Variants in MYO18A observed in about 807,000 individuals in gnomAD.
MYO18A encodes the protein myosin XVIIIA, also known as unconventional myosin-XVIIIa.
Under a neutral mutation model 235.8 loss-of-function variants are expected in MYO18A, and 78 were observed. The ratio of observed to expected loss-of-function variants is 0.33; its 90% confidence interval spans 0.28 to 0.40. The LOEUF is 0.40. Ranked by LOEUF, MYO18A falls within the 10% of genes least tolerant of loss-of-function variation. The pLI is 1.00. For synonymous variants in MYO18A, 977 were observed against 1,077.8 expected (o/e 0.91, Z 1.83); for missense variants, 2,215 against 2,699.3 (o/e 0.82, Z 3.98).
intron 2 of MYO18A, among the ~76,000 whole-genome samples, chr17:29,130,919 A>G (rs1456268889): frequency 6.6e-6 from 1 of 152,164 alleles, no homozygotes; most frequent in East Asian, 1.9e-4. Context: ...AGCAGCGACT[A>G]CAGTGAAGTC....
At position 29,097,370 on chromosome 17, in the gene MYO18A, A is replaced by C; in HGVS notation, c.4103-20T>G. 6.2e-7 allele frequency: 1 copy of C among 1,605,228 alleles called. No homozygotes were observed. The highest frequency in any genetic ancestry group is 8.5e-7 in the Non-Finnish European group (1 of 1,179,524). On this transcript the variant is annotated intron_variant, in intron 26 of 41. Coordinates refer to ENST00000527372, the MANE Select transcript of MYO18A (RefSeq NM_078471.4). ...CGCCACCTGTGGGGTTGAGGCAGAC[A>C]AGGGAGGATGGAGGTGCTGAGAGTC...
intron 2 of MYO18A, among the ~76,000 whole-genome samples, chr17:29,157,950 C>T (rs1326066448): frequency 2.6e-5 from 4 of 152,126 alleles, no homozygotes; most frequent in Non-Finnish European, 5.9e-5. Flanking sequence ...TGCATTACCA[C>T]CTCTGGCTAA....
rs375016788 is a variant in MYO18A, at chr17:29,165,994, A to G, written c.947T>C (p.Leu316Pro). ...KVQPIPELSE[L>P]SRSWLRSGEG... The stretch of plus-strand genomic sequence containing the variant: ...GCCGCTCCGCAGCCAGCTCCTGCTG[A>G]GCTCGCTGAGCTCTGGAATGGGCTG... The change falls in exon 2 of 42, where the codon CTC becomes CCC. Residue 316 changes from leucine to proline, a missense_variant. By Grantham distance (98) the Leu-to-Pro change is moderately conservative. Coordinates refer to ENST00000527372, the MANE Select transcript of MYO18A (RefSeq NM_078471.4). 2.5e-6 allele frequency: 4 copies of G among 1,613,408 alleles called. No homozygotes were observed. Among genetic ancestry groups the G allele is most frequent in the East Asian group, 4.5e-5 (2 of 44,892 alleles).
chr17:29,118,405 T>C lies in MYO18A; in HGVS notation c.1865A>G (p.Asn622Ser), dbSNP rs1435208648. Residue 622 changes from asparagine (N) to serine (S), a missense_variant, in exon 9 of 42, where the codon AAT becomes AGT. Physicochemically the swap from Asn to Ser is conservative, Grantham distance 46 (BLOSUM62 1). Coordinates refer to ENST00000527372, the MANE Select transcript of MYO18A (RefSeq NM_078471.4). This position sits in a 1 kb window ranked among gnomAD's most constrained non-coding sequence, Gnocchi z 4.2. ...GGCCAGTGGCACAATCCCAAACACATTGTTCTCTGCCAAGTGGTTGAGGTG... is the reference window on the plus strand; with the variant it reads ...GGCCAGTGGCACAATCCCAAACACACTGTTCTCTGCCAAGTGGTTGAGGTG... ...ELHLNHLAEN[N>S]VFGIVPLAKP... 11 of 1,606,938 alleles carry C rather than the reference T, an allele frequency of 6.8e-6. No individual in the cohort carries two copies. Among genetic ancestry groups the C allele is most frequent in the South Asian group, 2.2e-5 (2 of 90,592 alleles).
At chr17:29,127,964 T>TGCTTCTTTGGGGCTTCAG in intron 2 of MYO18A, 1 of 1,004,216 alleles carries the variant, frequency 1.0e-6, no homozygotes, top group South Asian at 4.0e-5. Flanking sequence ...TGGGGAGCGC[T>TGCTTCTTTGGGGCTTCAG]GCTTCTTTGG....
intron 19 of MYO18A, chr17:29,107,497 A>T: frequency 3.4e-6 from 1 of 294,748 alleles, no homozygotes; most frequent in Non-Finnish European, 6.6e-6. Context: ...GTTGTGGGGT[A>T]GCTGACCAGC....
At chr17:29,172,155 T>G (rs1391903212) in intron 1 of MYO18A, among the ~76,000 whole-genome samples, 1 of 152,078 alleles carries the variant, frequency 6.6e-6, no homozygotes, top group Non-Finnish European at 1.5e-5. Context: ...GCTTTGGATA[T>G]CAAGTAACAA....
rs1247328667 is a variant in MYO18A, at chr17:29,115,696, C to T, written c.2195G>A (p.Gly732Asp). 1 of 1,606,324 alleles carries T rather than the reference C, an allele frequency of 6.2e-7. No homozygotes were observed. The highest frequency in any genetic ancestry group is 2.2e-5 in the East Asian group (1 of 44,708). Residue 732 changes from glycine to aspartate, a missense_variant, in exon 12 of 42, where the codon GGC (glycine) becomes GAC (aspartate). Physicochemically the swap from Gly to Asp is moderately conservative, Grantham distance 94 (BLOSUM62 -1). Coordinates refer to ENST00000527372, the MANE Select transcript of MYO18A (RefSeq NM_078471.4). ...TLQRSTSFRQ[G>D]PEESGLGDGT... ...ATCTCCCAGGCCACTCTCCTCGGGG[C>T]CCTGGCGGAAGGAGGTGGAGCGCTG...
At chr17:29,085,293 A>T (rs189312116) in intron 40 of MYO18A, among the ~76,000 whole-genome samples, 3 of 152,202 alleles carry the variant, frequency 2.0e-5, no homozygotes, top group Non-Finnish European at 4.4e-5. Flanking sequence ...TTTTTGAGGG[A>T]GGAATGTGCT....
chr17:29,086,274 C>A (rs889431735), intron 39 of MYO18A, among the ~76,000 whole-genome samples, 164 bp downstream of exon 39: 8 of 152,224 alleles, frequency 5.3e-5, no homozygotes, highest in Non-Finnish European at 1.2e-4. Context: ...CCGTCTGCCC[C>A]TGCAGGACAG....
At chr17:29,162,750 G>A (rs945707471) in intron 2 of MYO18A, among the ~76,000 whole-genome samples, 2 of 152,238 alleles carry the variant, frequency 1.3e-5, no homozygotes, top group African/African-American at 4.8e-5. Flanking sequence ...ATGGGCAGGT[G>A]GAAGGATGAT....
intron 1 of MYO18A, 132 bp from the exon 2 acceptor site, chr17:29,167,153 A>C (rs2068303706): frequency 1.7e-6 from 1 of 574,048 alleles, no homozygotes; most frequent in Non-Finnish European, 2.9e-6. Flanking sequence ...TGCCTTACCC[A>C]ATATTGTCTC....
chr17:29,077,177 A>G (rs1196443683), intron 41 of MYO18A: 1 of 152,192 alleles, frequency 6.6e-6, no homozygotes, highest in East Asian at 1.9e-4. Flanking sequence ...CCTTGCCCGT[A>G]GCTTGGGTGA....
chr17:29,090,544 C>T lies in MYO18A; in HGVS notation c.5376G>A (p.Glu1792=). The T allele has an allele frequency of 1.9e-6, 3 of 1,593,148 alleles. No homozygotes were observed. The highest frequency in any genetic ancestry group is 2.6e-6 in the Non-Finnish European group (3 of 1,168,812). The part of the protein sequence containing the change: ...QLEEANKEKQ[E]LQEKLQALQS... The stretch of plus-strand genomic sequence containing the variant: ...CCCTGGTCCTCACCTTCTCCTGCAG[C>T]TCCTGCTTCTCTTTGTTGGCTTCTT... Residue 1792 remains glutamate (E), a synonymous_variant, in exon 36 of 42, where the codon GAG becomes GAA. Coordinates refer to ENST00000527372, the MANE Select transcript of MYO18A (RefSeq NM_078471.4).
chr17:29,166,996 C>T lies in MYO18A; in HGVS notation c.-56G>A. On this transcript the variant is annotated 5_prime_UTR_variant, in exon 2 of 42. In the 5' UTR this introduces an upstream ATG that the reference lacks. Coordinates refer to ENST00000527372, the MANE Select transcript of MYO18A (RefSeq NM_078471.4). ...CCCAGAGGATTATGAGTGCTTAGCA[C>T]AGGGCCTTGGTGCCCCACTTTGCTG... The T allele has an allele frequency of 6.8e-7, 1 of 1,464,350 alleles. No individual in the cohort carries two copies. Among genetic ancestry groups the T allele is most frequent in the Non-Finnish European group, 9.0e-7 (1 of 1,105,248 alleles). 90.7% of individuals were successfully genotyped at this position (1,464,350 alleles called of 1,614,324 possible).
chr17:29,157,207 A>C (rs2068082237), intron 2 of MYO18A, among the ~76,000 whole-genome samples: 1 of 152,150 alleles, frequency 6.6e-6, no homozygotes, highest in African/African-American at 2.4e-5. Context: ...TTCTCTTCTT[A>C]AGGCGTCCCT....
intron 2 of MYO18A, among the ~76,000 whole-genome samples, chr17:29,161,213 G>A (rs1404676379): frequency 6.6e-6 from 1 of 152,122 alleles, no homozygotes; most frequent in Non-Finnish European, 1.5e-5. Flanking sequence ...AAATTAGCTA[G>A]GCGTGGTGGC....
At position 29,126,358 on chromosome 17, in the gene MYO18A, C is replaced by T. The variant is rs1026595205; in HGVS notation, c.1000-4105G>A. 1.3e-5 allele frequency among the ~76,000 whole-genome samples: 2 copies of T among 152,062 alleles called. No homozygotes were observed. Among genetic ancestry groups the T allele is most frequent in the Non-Finnish European group, 2.9e-5 (2 of 67,992 alleles). ...GGAGGGGAGGGCAGCCGCCCGGGAA[C>T]AGGACCACGACACTCCCCACCTGCT... On this transcript the variant is annotated intron_variant, in intron 2 of 41. Coordinates refer to ENST00000527372, the MANE Select transcript of MYO18A (RefSeq NM_078471.4). The surrounding 1 kb of genome is among the most constrained non-coding windows in gnomAD (Gnocchi z 4.1).
intron 1 of MYO18A, among the ~76,000 whole-genome samples, chr17:29,173,780 A>AT (rs892147417): frequency 2.0e-5 from 3 of 151,626 alleles, no homozygotes; most frequent in Admixed American, 6.6e-5. Flanking sequence ...AAAAAAAAAA[A>AT]TTTTTTTAAG....
Sources: allele counts gnomAD v4.1 joint callset (sites outside exome capture counted in the v4.1 genomes callset), GRCh38; gene constraint gnomAD v4.1.1; non-coding constraint Gnocchi (gnomAD v3.1); transcripts MANE v1.5; gene names NCBI Gene and HGNC (gene_info 2026-07-23, HGNC 2026-07-21).